Variants in MEF2C observed in about 807,000 individuals in gnomAD.
MEF2C encodes myocyte enhancer factor 2C.
In MEF2C, 6 loss-of-function variants were observed where a neutral mutation model predicts 50.5. The observed-to-expected ratio is 0.12, with a 90% CI of 0.07 to 0.23. The LOEUF (loss-of-function observed/expected upper bound fraction) is 0.23, where lower values mean the gene tolerates loss of function less well. MEF2C is among the 10% of genes least tolerant of loss of function. The pLI, the probability that MEF2C is intolerant of heterozygous loss-of-function variation, is 1.00. For synonymous variants in MEF2C, 183 were observed against 228.0 expected, an observed-to-expected ratio of 0.80 and a Z score of 1.78; for missense variants, 276 against 605.0, an observed-to-expected ratio of 0.46 and a Z score of 5.70.
chr5:88,731,844 A>G lies in MEF2C; in HGVS notation c.695T>C (p.Leu232Ser). The G allele has an allele frequency of 6.2e-7, 1 of 1,613,316 alleles. No homozygotes were observed. The highest frequency in any genetic ancestry group is 8.5e-7 in the Non-Finnish European group (1 of 1,179,500). Residue 232 changes from leucine (L) to serine (S), a missense_variant, in exon 7 of 11, where the codon TTG becomes TCG. Leu to Ser is a moderately radical substitution (Grantham distance 145). Transcript: ENST00000504921. Reference sequence around the variant, plus strand: ...AGATTTTGCTTGCATATTCTTGTTCAAGTTACCAGGTGAGACCAGCAGACC... The same window carrying G: ...AGATTTTGCTTGCATATTCTTGTTCGAGTTACCAGGTGAGACCAGCAGACC... Reference protein sequence around the residue: ...SPGLLVSPGNLNKNMQAKSPP... With the variant: ...SPGLLVSPGNSNKNMQAKSPP...
chr5:88,781,668 T>A (rs1788109096), intron 3 of MEF2C, among the ~76,000 whole-genome samples: 1 of 152,142 alleles, frequency 6.6e-6, no homozygotes, highest in African/African-American at 2.4e-5. Context: ...GTTTAGGTGA[T>A]CATTAAAAGT....
chr5:88,729,721 G>T (rs1427872476), intron 8 of MEF2C, among the ~76,000 whole-genome samples: 1 of 152,066 alleles, frequency 6.6e-6, no homozygotes, highest in Non-Finnish European at 1.5e-5. Context: ...TAGTTTTTAT[G>T]TTCAGTTCTA....
At chr5:88,770,744 G>A (rs1416432368) in intron 3 of MEF2C, among the ~76,000 whole-genome samples, 2 of 152,050 alleles carry the variant, frequency 1.3e-5, no homozygotes, top group East Asian at 3.9e-4. Context: ...GTTTGTTTTT[G>A]GACTCCCACC....
intron 3 of MEF2C, among the ~76,000 whole-genome samples, chr5:88,796,774 C>G (rs188047086): frequency 6.6e-6 from 1 of 152,056 alleles, no homozygotes; most frequent in African/African-American, 2.4e-5. Flanking sequence ...ATAAATTCAC[C>G]TCCTCTAAAC....
chr5:88,791,269 G>A (rs2086093146), intron 3 of MEF2C, among the ~76,000 whole-genome samples: 1 of 152,010 alleles, frequency 6.6e-6, no homozygotes, highest in Non-Finnish European at 1.5e-5. Flanking sequence ...TTCATTTCCA[G>A]GTATGGTGGG....
intron 1 of MEF2C, among the ~76,000 whole-genome samples, chr5:88,840,144 C>T (rs1344050591): frequency 6.6e-6 from 1 of 152,112 alleles, no homozygotes; most frequent in Non-Finnish European, 1.5e-5. Context: ...ATTTTTAAGG[C>T]CTTCCGGAAA....
intron 4 of MEF2C, chr5:88,760,910 G>A (rs1777553893): frequency 5.4e-6 from 8 of 1,474,778 alleles, no homozygotes; most frequent in Non-Finnish European, 7.3e-6. Flanking sequence ...GAGTCTTAGA[G>A]AAAGCCATCA....
chr5:88,868,863 T>G lies in MEF2C; in HGVS notation c.-143+14092A>C, dbSNP rs189667459. 9.5e-4 allele frequency among the ~76,000 whole-genome samples: 145 copies of G among 152,324 alleles called. 2 individuals are homozygous for G. In the East Asian group the frequency reaches 0.023, roughly 24 times the overall value. ...GGCAGTAAAAAGTGAACTCCAGAAT[T>G]GTTCTTTATGATTCATCTTAAATCT... On this transcript the variant is annotated intron_variant, in intron 1 of 10. Coordinates refer to ENST00000504921, the MANE Select transcript of MEF2C (RefSeq NM_002397.5).
At chr5:88,838,845 C>T (rs1816193350) in intron 1 of MEF2C, 1 of 470,880 alleles carries the variant, frequency 2.1e-6, no homozygotes, top group Non-Finnish European at 2.8e-6. Flanking sequence ...ATACAGTTAC[C>T]TACTTCTTCA....
chr5:88,772,408 G>A (rs1042781182), intron 3 of MEF2C: 16 of 152,246 alleles, frequency 1.1e-4, no homozygotes, highest in African/African-American at 3.9e-4. Flanking sequence ...GCTTAAGAGA[G>A]GTAAAGACAT....
At chr5:88,838,297 C>G (rs758109479) in intron 1 of MEF2C, among the ~76,000 whole-genome samples, 7 of 151,940 alleles carry the variant, frequency 4.6e-5, no homozygotes, top group Non-Finnish European at 8.8e-5. Flanking sequence ...CTTCCCTGTG[C>G]CAGCAGGGGA....
At chr5:88,779,545 C>T (rs1786674528) in intron 3 of MEF2C, among the ~76,000 whole-genome samples, 1 of 151,950 alleles carries the variant, frequency 6.6e-6, no homozygotes, top group Non-Finnish European at 1.5e-5. Context: ...GTGCTGGAAA[C>T]TGCCAGTCTC....
chr5:88,736,149 A>G, intron 6 of MEF2C: 1 of 985,378 alleles, frequency 1.0e-6, no homozygotes, highest in Non-Finnish European at 1.2e-6. Flanking sequence ...GCCTGTCTCT[A>G]CTTCCACTGC....
At chr5:88,902,320 C>T (rs987887069) in intron 1 of MEF2C, among the ~76,000 whole-genome samples, 10 of 151,564 alleles carry the variant, frequency 6.6e-5, no homozygotes, top group African/African-American at 1.9e-4. Flanking sequence ...AGCTTGAAAT[C>T]GCAATAAATA....
intron 1 of MEF2C, among the ~76,000 whole-genome samples, chr5:88,890,315 G>C (rs1414491541): frequency 6.6e-6 from 1 of 152,070 alleles, no homozygotes; most frequent in Non-Finnish European, 1.5e-5. Context: ...AACGGTTCTG[G>C]GATGTCTTAC....
chr5:88,831,220 C>T (rs771410733), intron 1 of MEF2C, among the ~76,000 whole-genome samples: 1 of 152,018 alleles, frequency 6.6e-6, no homozygotes, highest in South Asian at 2.1e-4. Flanking sequence ...CATGTGTGCA[C>T]ATGTGTGCAC....
chr5:88,867,865 A>G (rs942663187), intron 1 of MEF2C, among the ~76,000 whole-genome samples: 1 of 152,212 alleles, frequency 6.6e-6, no homozygotes, highest in Non-Finnish European at 1.5e-5. Flanking sequence ...TAAATTCCCT[A>G]AAGAAAGCTG....
At chr5:88,813,936 G>T (rs755332191) in intron 2 of MEF2C, among the ~76,000 whole-genome samples, 1 of 151,872 alleles carries the variant, frequency 6.6e-6, no homozygotes, top group Non-Finnish European at 1.5e-5. Context: ...AAATATTTCA[G>T]GTCGGCTACT....
chr5:88,838,535 T>C, intron 1 of MEF2C: 1 of 983,584 alleles, frequency 1.0e-6, no homozygotes, highest in Non-Finnish European at 1.2e-6. Flanking sequence ...TTTTCACTTA[T>C]GATGAAGTTA....
Sources: gnomAD v4.1 joint callset for allele counts (sites outside exome capture counted in the v4.1 genomes callset) on GRCh38, gnomAD v4.1.1 for gene constraint, MANE v1.5 for transcripts, NCBI Gene and HGNC (gene_info 2026-07-23, HGNC 2026-07-21) for gene names.